The following ATP11B variants were observed in gnomAD, a reference collection of about 807,000 sequenced individuals.
ATP11B encodes the protein ATPase phospholipid transporting 11B (putative).
A neutral mutation model predicts 157.8 loss-of-function variants in ATP11B; 81 were observed. That is an observed-to-expected ratio of 0.51 (90% CI 0.43 to 0.62). The LOEUF is 0.62. Among genes scored for constraint, ATP11B ranks in the 20% least tolerant of loss-of-function variants. The probability of loss-of-function intolerance (pLI) is 0.00; values close to 1 mark genes in which losing one functional copy is unlikely to be tolerated. For missense variants in ATP11B, 1,165 were observed against 1,402.2 expected (o/e 0.83, Z 2.70); for synonymous variants, 451 against 469.4 (o/e 0.96, Z 0.51).
At chr3:182,870,928 A>G (rs924336023) in intron 17 of ATP11B, among the ~76,000 whole-genome samples, 2 of 125,282 alleles carry the variant, frequency 1.6e-5, no homozygotes, top group Non-Finnish European at 3.4e-5. Flanking sequence ...TCTCCGTCTG[A>G]AAAAAAAAAA....
At chr3:182,875,981 T>C (rs925583169) in intron 19 of ATP11B, among the ~76,000 whole-genome samples, 1 of 152,146 alleles carries the variant, frequency 6.6e-6, no homozygotes, top group Non-Finnish European at 1.5e-5. Flanking sequence ...GCACAGTAGC[T>C]CATGCCTGTA....
At chr3:182,877,351 G>A (rs1722117183) in intron 19 of ATP11B, among the ~76,000 whole-genome samples, 1 of 152,182 alleles carries the variant, frequency 6.6e-6, no homozygotes, top group African/African-American at 2.4e-5. Flanking sequence ...GGGCACAGTG[G>A]CTCATAATCC....
chr3:182,867,742 C>T (rs1721357483), intron 15 of ATP11B, among the ~76,000 whole-genome samples: 1 of 152,052 alleles, frequency 6.6e-6, no homozygotes, highest in Non-Finnish European at 1.5e-5. Flanking sequence ...CGCCACTATG[C>T]CTGGCTAATT....
chr3:182,879,387 G>A (rs1348762071), intron 19 of ATP11B, 109 bp from the exon 20 acceptor site: 2 of 929,148 alleles, frequency 2.2e-6, no homozygotes, highest in Non-Finnish European at 1.5e-6. Context: ...TAACAGTAAG[G>A]GCTGTGGGTA....
At chr3:182,871,572 G>A (rs868845525) in intron 17 of ATP11B, among the ~76,000 whole-genome samples, 1 of 152,158 alleles carries the variant, frequency 6.6e-6, no homozygotes, top group Non-Finnish European at 1.5e-5. Context: ...GTCATGCAAT[G>A]AATCTTTAGG....
intron 12 of ATP11B, among the ~76,000 whole-genome samples, chr3:182,862,469 C>T (rs1406803784): frequency 6.6e-6 from 1 of 152,118 alleles, no homozygotes; most frequent in Non-Finnish European, 1.5e-5. Context: ...CAGCTGTCTG[C>T]GGAGACCAGA....
intron 9 of ATP11B, among the ~76,000 whole-genome samples, chr3:182,847,984 C>G (rs763894595): frequency 6.6e-6 from 1 of 152,178 alleles, no homozygotes; most frequent in South Asian, 2.1e-4. Context: ...CATGTGCTTA[C>G]TTGATTTACT....
Position 182,862,461 on chromosome 3 carries a change from G to C in ATP11B, c.1201-2995G>C, listed in dbSNP as rs868615895. 7.2e-5 allele frequency among the ~76,000 whole-genome samples: 11 copies of C among 152,276 alleles called. No individual in the cohort carries two copies. In the South Asian group the frequency reaches 1.2e-3, roughly 17 times the overall value. ...GTGCACTGCCTCCCTTCTGTGTTCA[G>C]CTGTCTGCGGAGACCAGATTCTGTC... On this transcript the variant is annotated intron_variant, in intron 12 of 29. Transcript: ENST00000323116.
At chr3:182,912,566 T>TTC (rs1724869233) in intron 28 of ATP11B, among the ~76,000 whole-genome samples, 1 of 152,188 alleles carries the variant, frequency 6.6e-6, no homozygotes, top group Admixed American at 6.5e-5. Flanking sequence ...GTTTGGCTCT[T>TTC]TCTCAGTGCT....
intron 1 of ATP11B, among the ~76,000 whole-genome samples, chr3:182,805,821 C>A (rs1322143848): frequency 6.6e-6 from 1 of 151,988 alleles, no homozygotes; most frequent in Non-Finnish European, 1.5e-5. Flanking sequence ...TGTAAGACTT[C>A]TTTATATATT....
chr3:182,878,583 C>T (rs1409178398), intron 19 of ATP11B, among the ~76,000 whole-genome samples: 1 of 152,182 alleles, frequency 6.6e-6, no homozygotes, highest in Non-Finnish European at 1.5e-5. Context: ...GGCTCCTTAT[C>T]TCTTCCTGGC....
chr3:182,915,564 T>C (rs1316470653), intron 29 of ATP11B: 2 of 979,530 alleles, frequency 2.0e-6, no homozygotes, highest in Admixed American at 1.2e-4. Flanking sequence ...TTTTTTCAAC[T>C]TCTCCTTCAA....
At chr3:182,895,329 CAAAT>C (rs1167087094) in intron 25 of ATP11B, among the ~76,000 whole-genome samples, 1 of 151,976 alleles carries the variant, frequency 6.6e-6, no homozygotes. Flanking sequence ...CAAATGCTCT[CAAAT>C]AAAGGAATAT....
intron 7 of ATP11B, among the ~76,000 whole-genome samples, chr3:182,841,753 C>T (rs1485911590): frequency 2.6e-5 from 4 of 151,802 alleles, no homozygotes; most frequent in Admixed American, 1.3e-4. Context: ...CCGAGGTGGG[C>T]GGATCATGAG....
Position 182,820,173 on chromosome 3 carries a change from C to T in ATP11B, c.28-87C>T, listed in dbSNP as rs1576968249. On this transcript the variant is annotated intron_variant, in intron 1 of 29. Transcript: ENST00000323116. ...TAAGGGCAATAGTAATATATGTAATCTGACCAGCTAAATAAAGCTAACAGT... is the reference window on the plus strand; with the variant it reads ...TAAGGGCAATAGTAATATATGTAATTTGACCAGCTAAATAAAGCTAACAGT... The T allele has an allele frequency of 3.4e-6, 3 of 870,204 alleles. No homozygotes were observed. In the East Asian group the frequency reaches 7.2e-5, roughly 21 times the overall value. 53.9% of individuals were successfully genotyped at this position (870,204 alleles called of 1,614,324 possible).
intron 19 of ATP11B, among the ~76,000 whole-genome samples, chr3:182,875,723 G>C (rs1721989695): frequency 6.6e-6 from 1 of 152,144 alleles, no homozygotes; most frequent in African/African-American, 2.4e-5. Flanking sequence ...TTATAGGTGT[G>C]AGCCACCGCA....
At chr3:182,915,061 A>G (rs1703404129) in intron 29 of ATP11B, 11 of 985,268 alleles carry the variant, frequency 1.1e-5, no homozygotes, top group African/African-American at 1.7e-5. Flanking sequence ...CACTACTCCT[A>G]TCTACTGGAA....
chr3:182,796,443 A>G lies in ATP11B; in HGVS notation c.27+2657A>G, dbSNP rs553394309. On this transcript the variant is annotated intron_variant, in intron 1 of 29. Coordinates refer to ENST00000323116, the MANE Select transcript of ATP11B (RefSeq NM_014616.3). ...CGGTAGCCATTAGCCACAAGTGGCC[A>G]TTAAAATTAAAATTGGAGCCATATG... Among the ~76,000 whole-genome samples, 59 of 152,352 alleles carry G rather than the reference A, an allele frequency of 3.9e-4. 2 individuals carry two copies. The South Asian group carries it at 5.0e-3, about 13-fold the overall frequency.
chr3:182,865,217 G>A (rs1286503986), intron 12 of ATP11B, among the ~76,000 whole-genome samples: 1 of 152,094 alleles, frequency 6.6e-6, no homozygotes, highest in East Asian at 1.9e-4. Flanking sequence ...AAACATGTAC[G>A]TAAAGATGCC....
Sources: gnomAD v4.1 joint callset for allele counts (sites outside exome capture counted in the v4.1 genomes callset) on GRCh38, gnomAD v4.1.1 for gene constraint, MANE v1.5 for transcripts, NCBI Gene and HGNC (gene_info 2026-07-23, HGNC 2026-07-21) for gene names.